The following VPS13D variants were observed in gnomAD, a reference collection of about 807,000 sequenced individuals.
VPS13D encodes the protein vacuolar protein sorting 13 homolog D.
In VPS13D, 187 loss-of-function variants were observed where a neutral mutation model predicts 461.9. The ratio of observed to expected loss-of-function variants is 0.40; its 90% CI spans 0.36 to 0.46. The LOEUF (loss-of-function observed/expected upper bound fraction) is 0.46, where lower values mean the gene tolerates loss of function less well. Among genes scored for constraint, VPS13D ranks in the 20% least tolerant of loss-of-function variants. VPS13D has a pLI of 0.60. For synonymous variants in VPS13D, 1,951 were observed against 1,986.3 expected (o/e 0.98, Z 0.47); for missense variants, 4,711 against 5,364.9 (o/e 0.88, Z 3.81).
intron 12 of VPS13D, among the ~76,000 whole-genome samples, chr1:12,261,564 C>T (rs1407876181): frequency 2.6e-5 from 4 of 152,226 alleles, no homozygotes; most frequent in Admixed American, 6.5e-5. Flanking sequence ...ACGTGTGCTC[C>T]CAGTGCTCAG....
chr1:12,448,589 C>T (rs901427267), intron 65 of VPS13D, among the ~76,000 whole-genome samples: 1 of 152,194 alleles, frequency 6.6e-6, no homozygotes, highest in Non-Finnish European at 1.5e-5. Flanking sequence ...GACACAATTC[C>T]ATCCACAGCT....
At chr1:12,442,181 G>A (rs1332749478) in intron 65 of VPS13D, among the ~76,000 whole-genome samples, 2 of 152,048 alleles carry the variant, frequency 1.3e-5, no homozygotes, top group East Asian at 3.8e-4. Context: ...TCTCTTGTCA[G>A]ATTAAAAAAG....
At chr1:12,437,748 G>A (rs1645079967) in intron 65 of VPS13D, among the ~76,000 whole-genome samples, 1 of 152,134 alleles carries the variant, frequency 6.6e-6, no homozygotes, top group African/African-American at 2.4e-5. Flanking sequence ...TTTATCTTGA[G>A]ACAGGAATGA....
At chr1:12,331,268 C>T (rs571947354) in intron 37 of VPS13D, among the ~76,000 whole-genome samples, 3 of 152,252 alleles carry the variant, frequency 2.0e-5, no homozygotes, top group Admixed American at 6.5e-5. Flanking sequence ...TGTAAACCTC[C>T]GACGGCCTGC....
intron 67 of VPS13D, among the ~76,000 whole-genome samples, chr1:12,490,848 C>T (rs901758438): frequency 7.9e-5 from 12 of 152,024 alleles, no homozygotes; most frequent in Non-Finnish European, 1.0e-4. Flanking sequence ...GTGGGAGCTA[C>T]AGGTCCAAGA....
At position 12,295,345 on chromosome 1, in the gene VPS13D, G is replaced by T. The variant is rs143452818; in HGVS notation, c.6033+1641G>T. ...ATTTAAATAAAAAATGTTTGACTTG[G>T]TAGATATTGATTTGGTACAGTAGCA... On this transcript the variant is annotated intron_variant, in intron 24 of 69. Transcript: ENST00000620676. 5.5e-4 allele frequency among the ~76,000 whole-genome samples: 83 copies of T among 152,136 alleles called. 1 individual carries two copies. In the East Asian group the frequency reaches 0.016, roughly 29 times the overall value.
chr1:12,285,480 G>A (rs746160864), intron 21 of VPS13D, among the ~76,000 whole-genome samples: 10 of 151,770 alleles, frequency 6.6e-5, no homozygotes, highest in Non-Finnish European at 1.5e-4. Context: ...AGTAGAGATG[G>A]AGTTTAATCA....
In VPS13D at chr1:12,311,876, C is replaced by G. The variant is rs1642760926; in HGVS notation, c.6886C>G (p.Leu2296Val). ...CFLIDMVNVSLELKDPKRKEG... is the reference protein window; with the variant it reads ...CFLIDMVNVSVELKDPKRKEG... ...CCTCATTGATATGGTGAATGTAAGT[C>G]TGGAGCTTAAAGATCCAAAAAGAAA... The change falls in exon 29 of 70, where the codon CTG (leucine) becomes GTG (valine). Residue 2296 changes from leucine to valine, a missense_variant. Physicochemically the swap from Leu to Val is conservative, Grantham distance 32. Transcript: ENST00000620676. 1.2e-6 allele frequency: 2 copies of G among 1,614,008 alleles called. No individual in the cohort carries two copies. Among genetic ancestry groups the G allele is most frequent in the African/African-American group, 2.7e-5 (2 of 74,916 alleles).
intron 5 of VPS13D, among the ~76,000 whole-genome samples, chr1:12,245,310 C>A (rs1374005599): frequency 6.6e-6 from 1 of 152,174 alleles, no homozygotes; most frequent in Non-Finnish European, 1.5e-5. Context: ...CAAATGTGTT[C>A]AATGTATGTC....
chr1:12,481,360 G>C (rs1002332159), intron 67 of VPS13D, among the ~76,000 whole-genome samples: 2 of 152,058 alleles, frequency 1.3e-5, no homozygotes, highest in African/African-American at 4.8e-5. Context: ...CCCCTTCCCT[G>C]ACCTGAAAGG....
At chr1:12,435,279 C>T (rs1354353797) in intron 65 of VPS13D, among the ~76,000 whole-genome samples, 3 of 149,062 alleles carry the variant, frequency 2.0e-5, no homozygotes, top group Non-Finnish European at 4.5e-5. Context: ...GGCAACATGA[C>T]CAAAAAAAAA....
intron 7 of VPS13D, among the ~76,000 whole-genome samples, chr1:12,254,070 T>G (rs1640828664): frequency 6.6e-6 from 1 of 152,246 alleles, no homozygotes; most frequent in South Asian, 2.1e-4. Flanking sequence ...TTTCTTTGGT[T>G]TATTTTATTC....
At chr1:12,242,459 G>A (rs1179659270) in intron 2 of VPS13D, 54 bp from the exon 3 acceptor site, 11 of 1,482,454 alleles carry the variant, frequency 7.4e-6, no homozygotes, top group South Asian at 1.1e-5. Context: ...CACACAGTAG[G>A]TGGCCTACTG....
intron 42 of VPS13D, among the ~76,000 whole-genome samples, chr1:12,344,476 A>T (rs1643634663): frequency 6.6e-6 from 1 of 152,106 alleles, no homozygotes; most frequent in African/African-American, 2.4e-5. Context: ...TCCAGGTAAG[A>T]GCAGTGAGCA....
intron 35 of VPS13D, among the ~76,000 whole-genome samples, chr1:12,324,518 T>G (rs912698780): frequency 6.6e-6 from 1 of 151,940 alleles, no homozygotes; most frequent in Non-Finnish European, 1.5e-5. Context: ...AAAAAGGGGC[T>G]CTGGAGCTGG....
At chr1:12,364,844 G>A (rs986331137) in intron 52 of VPS13D, among the ~76,000 whole-genome samples, 3 of 152,122 alleles carry the variant, frequency 2.0e-5, no homozygotes, top group Non-Finnish European at 4.4e-5. Context: ...TTTTGAATTA[G>A]GTTGTTTTTG....
At chr1:12,475,742 A>G (rs576619207) in intron 67 of VPS13D, among the ~76,000 whole-genome samples, 1 of 152,370 alleles carries the variant, frequency 6.6e-6, no homozygotes, top group Admixed American at 6.5e-5. Flanking sequence ...AGGCTTGATC[A>G]CATGGGTGGA....
chr1:12,349,197 A>C lies in VPS13D; in HGVS notation c.9254A>C (p.Asp3085Ala), dbSNP rs759924677. The change falls in exon 46 of 70, where the codon GAT (aspartate) becomes GCT (alanine). Residue 3085 changes from aspartate (D) to alanine (A), a missense_variant. Asp to Ala is a moderately radical substitution (Grantham distance 126). This residue lies in a region of VPS13D where 4,411 missense variants were observed against 4,937.8 expected (regional missense o/e 0.89). Coordinates refer to ENST00000620676, the MANE Select transcript of VPS13D (RefSeq NM_015378.4). ...GTGCTTCCTGCTATCATGCCAGGGG[A>C]TTCGTTTGCTGTGCCTTTACACCTC... ...PVVLPAIMPGDSFAVPLHLTS... is the reference protein window; with the variant it reads ...PVVLPAIMPGASFAVPLHLTS... 1.9e-6 allele frequency: 3 copies of C among 1,613,972 alleles called. No individual in the cohort carries two copies. In the African/African-American group the frequency reaches 4.0e-5, roughly 22 times the overall value.
At chr1:12,298,903 A>ATT (rs1642348849) in intron 24 of VPS13D, among the ~76,000 whole-genome samples, 2 of 152,216 alleles carry the variant, frequency 1.3e-5, no homozygotes, top group Admixed American at 1.3e-4. Context: ...TGTATCCCAC[A>ATT]AATTTTAATG....
Sources: allele counts gnomAD v4.1 joint callset (sites outside exome capture counted in the v4.1 genomes callset), GRCh38; gene constraint gnomAD v4.1.1; regional missense constraint gnomAD v4.1.1; transcripts MANE v1.5; gene names NCBI Gene and HGNC (gene_info 2026-07-23, HGNC 2026-07-21).